Variants in WIZ observed in about 807,000 individuals in gnomAD.
The protein encoded by WIZ is protein Wiz.
In WIZ, 25 loss-of-function variants were observed where a neutral mutation model predicts 140.2. The observed-to-expected ratio is 0.18, with a 90% CI of 0.13 to 0.25. The LOEUF is 0.25. WIZ is among the 10% of genes least tolerant of loss of function. The pLI is 1.00. For synonymous variants in WIZ, 1,125 were observed against 1,154.3 expected (o/e 0.97, Z 0.51); for missense variants, 2,231 against 2,632.6 (o/e 0.85, Z 3.34).
Position 15,448,250 on chromosome 19 carries a change from T to G in WIZ, c.58A>C (p.Arg20=). 1.2e-6 allele frequency: 2 copies of G among 1,613,260 alleles called. No homozygotes were observed. Among genetic ancestry groups the G allele is most frequent in the Middle Eastern group, 1.7e-4 (1 of 6,058 alleles). Residue 20 remains arginine (R), a synonymous_variant, in exon 2 of 13, where the codon AGA becomes CGA. Transcript: ENST00000673675. ...TCCCTTGGCGCCGGGCCAGGCAGTC[T>G]CTCTGGGCCTTGGGGACGATCTGGT... ...AAPDRPQGPE[R]LPGPAPRENI...
intron 5 of WIZ, chr19:15,432,570 C>G: frequency 5.7e-6 from 3 of 527,070 alleles, no homozygotes; most frequent in Non-Finnish European, 7.2e-6. Context: ...CGGGGGGTGC[C>G]GCGGGGCCCG....
Position 15,439,965 on chromosome 19 carries a change from C to T in WIZ, c.1029G>A (p.Gln343=). 6.5e-7 allele frequency: 1 copy of T among 1,535,682 alleles called. No individual in the cohort carries two copies. The highest frequency in any genetic ancestry group is 8.7e-7 in the Non-Finnish European group (1 of 1,146,682). Residue 343 remains glutamine (Q), a synonymous_variant, in exon 4 of 13, where the codon CAG becomes CAA. Transcript: ENST00000673675. The surrounding 1 kb of genome is among the most constrained non-coding windows in gnomAD (Gnocchi z 7.0). ...HMSQHRRAPG[Q]EPPADLAPLA... is the part of the protein sequence containing the mutation. The stretch of plus-strand genomic sequence containing the variant: ...GCGGGGCCAGGTCCGCAGGGGGCTC[C>T]TGGCCCGGGGCTCGGCGGTGCTGGC...
At chr19:15,429,481 A>ACCCCCC in intron 7 of WIZ, 105 bp downstream of exon 7, 2 of 774,590 alleles carry the variant, frequency 2.6e-6, no homozygotes, top group Admixed American at 3.9e-5. Context: ...TGTAGTCCCC[A>ACCCCCC]CCGCCCCCAC....
chr19:15,436,937 G>GGCT lies in WIZ; in HGVS notation c.2606_2608dup (p.Gln869dup). ...AGGCTCTCGGCCCAGGGGGCTGGGG[G>GGCT]GCTGCTCAGCAGCAGAGGTGGCCAG... is the stretch of plus-strand genomic sequence containing the variant. On this transcript the variant is annotated inframe_insertion, in exon 5 of 13. Coordinates refer to ENST00000673675, the MANE Select transcript of WIZ (RefSeq NM_001371589.1). The GGCT allele has an allele frequency of 6.2e-7, 1 of 1,613,540 alleles. No individual in the cohort carries two copies. Among genetic ancestry groups the GGCT allele is most frequent in the Non-Finnish European group, 8.5e-7 (1 of 1,179,732 alleles).
intron 12 of WIZ, among the ~76,000 whole-genome samples, chr19:15,423,538 G>A (rs995004092): frequency 6.6e-6 from 1 of 152,182 alleles, no homozygotes; most frequent in Non-Finnish European, 1.5e-5. Context: ...ATCTGAGACA[G>A]TAGAGGGCAC....
chr19:15,441,708 G>T (rs1263286178), intron 3 of WIZ, among the ~76,000 whole-genome samples: 1 of 152,198 alleles, frequency 6.6e-6, no homozygotes, highest in Non-Finnish European at 1.5e-5. Flanking sequence ...GTTGGGTGGA[G>T]ACCATAAGGT....
Position 15,440,094 on chromosome 19 carries a change from C to T in WIZ, c.900G>A (p.Gly300=), listed in dbSNP as rs1969677580. The change falls in exon 4 of 13, where the codon GGG becomes GGA. Residue 300 remains glycine, a synonymous_variant. Transcript: ENST00000673675. This position sits in a 1 kb window ranked among gnomAD's most constrained non-coding sequence, Gnocchi z 6.2. ...CCTCGTCCTCATCTGGGCTGGCCAC[C>T]CCTTCGGCCACCTCCTCCAGCAGCT... is the stretch of plus-strand genomic sequence containing the variant. ...LCELLEEVAE[G]VASPDEDEDE... is the part of the protein sequence containing the mutation. The T allele has an allele frequency of 2.0e-6, 3 of 1,534,558 alleles. No individual in the cohort carries two copies. Among genetic ancestry groups the T allele is most frequent in the Non-Finnish European group, 2.6e-6 (3 of 1,146,108 alleles).
intron 1 of WIZ, 81 bp downstream of exon 1, chr19:15,449,717 G>GCCCGGCCCGGCCCGGGGCCTCC (rs1199225657): frequency 7.1e-6 from 1 of 140,852 alleles, no homozygotes; most frequent in African/African-American, 2.6e-5. Flanking sequence ...GTCCCGCCTG[G>GCCCGGCCCGGCCCGGGGCCTCC]CCCGGCCCGG....
rs192898305 is a variant in WIZ, at chr19:15,439,169, G to C, written c.1825C>G (p.Arg609Gly). 6.5e-7 allele frequency: 1 copy of C among 1,532,714 alleles called. No individual in the cohort carries two copies. Among genetic ancestry groups the C allele is most frequent in the African/African-American group, 1.4e-5 (1 of 72,926 alleles). 94.9% of individuals were successfully genotyped at this position (1,532,714 alleles called of 1,614,324 possible). ...TCCTCTTCGCTCCAAGGGCGCCTCC[G>C]TTCCCCCAGCCCTTGTGGGTGGACG... ...STVHPQGLGERRRPWSEEEEE... is the reference protein window; with the variant it reads ...STVHPQGLGEGRRPWSEEEEE... The change falls in exon 4 of 13, where the codon CGG (arginine) becomes GGG (glycine). Residue 609 changes from arginine to glycine, a missense_variant. Physicochemically the swap from Arg to Gly is moderately radical, Grantham distance 125 (BLOSUM62 -2). This residue lies in a region of WIZ where 475 missense variants were observed against 520.2 expected (regional missense o/e 0.91). Coordinates refer to ENST00000673675, the MANE Select transcript of WIZ (RefSeq NM_001371589.1). The surrounding 1 kb of genome is among the most constrained non-coding windows in gnomAD (Gnocchi z 7.0).
chr19:15,420,465 C>T lies in WIZ; in HGVS notation c.*2611G>A, dbSNP rs1340739984. 6.6e-6 allele frequency: 1 copy of T among 152,218 alleles called. No homozygotes were observed. The highest frequency in any genetic ancestry group is 2.4e-5 in the African/African-American group (1 of 41,448). The allele number at this position is 152,218 out of a possible 1,614,324, so 9.4% of individuals were successfully genotyped here. On this transcript the variant is annotated 3_prime_UTR_variant, in exon 13 of 13. Coordinates refer to ENST00000673675, the MANE Select transcript of WIZ (RefSeq NM_001371589.1). ...CAGGGATGCCTGCCTGTCTTCCAAA[C>T]CAAGGCAGGGCCCCAGGACACGTCT...
intron 2 of WIZ, among the ~76,000 whole-genome samples, chr19:15,445,781 G>A (rs537182483): frequency 2.0e-5 from 3 of 152,258 alleles, no homozygotes; most frequent in East Asian, 1.9e-4. Context: ...GTAAACAGCC[G>A]TAACGGGGGA....
In WIZ at chr19:15,439,356, G is replaced by C; in HGVS notation, c.1638C>G (p.Ser546Arg). ...GCTGGCATCCTGGGCCAAAGGCCAGGCTGGGGTCGTATCCAGCAGGGTTCT... is the reference window on the plus strand; with the variant it reads ...GCTGGCATCCTGGGCCAAAGGCCAGCCTGGGGTCGTATCCAGCAGGGTTCT... Reference protein sequence around the residue: ...WRENPAGYDPSLAFGPGCQQL... With the variant: ...WRENPAGYDPRLAFGPGCQQL... Residue 546 changes from serine (S) to arginine (R), a missense_variant, in exon 4 of 13, where the codon AGC (serine) becomes AGG (arginine). By Grantham distance (110) the Ser-to-Arg change is moderately radical. Coordinates refer to ENST00000673675, the MANE Select transcript of WIZ (RefSeq NM_001371589.1). This position sits in a 1 kb window ranked among gnomAD's most constrained non-coding sequence, Gnocchi z 7.0. The C allele has an allele frequency of 6.5e-7, 1 of 1,535,116 alleles. No individual in the cohort carries two copies.
chr19:15,438,582 T>TTTCTTC lies in WIZ; in HGVS notation c.2406_2411dup (p.Lys804_Lys805dup). ...TTAAAAGTGAAGCTGCCCTACCTTT[T>TTTCTTC]TTCTTCTTCTTCTGGAAGGAGAACC... is the stretch of plus-strand genomic sequence containing the variant. On this transcript the variant is annotated inframe_insertion, in exon 4 of 13. Transcript: ENST00000673675. The TTTCTTC allele has an allele frequency of 6.7e-7, 1 of 1,501,750 alleles. No individual in the cohort carries two copies. The highest frequency in any genetic ancestry group is 8.9e-7 in the Non-Finnish European group (1 of 1,123,086). 93.0% of individuals were successfully genotyped at this position (1,501,750 alleles called of 1,614,324 possible).
rs1226483844 is a variant in WIZ, at chr19:15,428,525, CA to C, written c.3416-18del. On this transcript the variant is annotated intron_variant, in intron 7 of 12. Coordinates refer to ENST00000673675, the MANE Select transcript of WIZ (RefSeq NM_001371589.1). This position sits in a 1 kb window ranked among gnomAD's most constrained non-coding sequence, Gnocchi z 6.4. ...TATCTAAAGCTGCGGAGACAAAACA[CA>C]GGGGGGGTTCACGGCCGCCACCTTG... 11 of 1,535,244 alleles carry C rather than the reference CA, an allele frequency of 7.2e-6. No homozygotes were observed. Among genetic ancestry groups the C allele is most frequent in the South Asian group, 1.2e-5 (1 of 84,056 alleles).
At chr19:15,426,140 T>A (rs953997225) in intron 9 of WIZ, among the ~76,000 whole-genome samples, 4 of 151,878 alleles carry the variant, frequency 2.6e-5, no homozygotes, top group African/African-American at 9.7e-5. Flanking sequence ...CAAGTCACTT[T>A]CCCTCTCTGA....
rs1568296516 is a variant in WIZ at position 15,428,526 on chromosome 19, A to G, written c.3416-18T>C. ...ATCTAAAGCTGCGGAGACAAAACAC[A>G]GGGGGGGTTCACGGCCGCCACCTTG... is the stretch of plus-strand genomic sequence containing the variant. On this transcript the variant is annotated intron_variant, in intron 7 of 12. Transcript: ENST00000673675. The surrounding 1 kb of genome is among the most constrained non-coding windows in gnomAD (Gnocchi z 6.4). The G allele has an allele frequency of 2.0e-6, 3 of 1,514,762 alleles. No homozygotes were observed. The highest frequency in any genetic ancestry group is 4.0e-5 in the Admixed American group (2 of 50,172). 93.8% of individuals were successfully genotyped at this position (1,514,762 alleles called of 1,614,324 possible). A position where few individuals can be genotyped will look rare whatever the true frequency, so the allele number is the denominator to read the frequency against.
In WIZ at chr19:15,424,469, G is replaced by T; in HGVS notation, c.5315-91C>A. 1 of 1,531,102 alleles carries T rather than the reference G, an allele frequency of 6.5e-7. No homozygotes were observed. The highest frequency in any genetic ancestry group is 8.8e-7 in the Non-Finnish European group (1 of 1,132,636). The allele number at this position is 1,531,102 out of a possible 1,614,324, so 94.8% of individuals were successfully genotyped here. A position where few individuals can be genotyped will look rare whatever the true frequency, so the allele number is the denominator to read the frequency against. On this transcript the variant is annotated intron_variant, in intron 11 of 12. Coordinates refer to ENST00000673675, the MANE Select transcript of WIZ (RefSeq NM_001371589.1). The surrounding 1 kb of genome is among the most constrained non-coding windows in gnomAD (Gnocchi z 9.7). ...AAGAGCTGAGGACTGATGCTACCTG[G>T]ATGGGTGGGATGGGGGATGGATGGG...
chr19:15,432,459 G>A, intron 5 of WIZ: 12 of 983,210 alleles, frequency 1.2e-5, no homozygotes, highest in Non-Finnish European at 1.4e-5. Context: ...ACGCGGGCCC[G>A]GGCCCCGGCT....
rs1969206454 is a variant in WIZ at position 15,431,110 on chromosome 19, G to A, written c.2813C>T (p.Pro938Leu). Residue 938 changes from proline to leucine, a missense_variant, in exon 6 of 13, where the codon CCT becomes CTT. Pro to Leu is a moderately conservative substitution (Grantham distance 98, BLOSUM62 -3). Around this residue, in one of 15 missense-constraint regions of WIZ, gnomAD observed 137 missense variants for 135.8 expected, o/e 1.01. Transcript: ENST00000673675. ...GSPSLPKKSL[P>L]VPGALEQVAS... ...CACCTGCTCCAGGGCCCCAGGGACA[G>A]GCAGGCTCTTCTTAGGGAGCGAGGG... is the stretch of plus-strand genomic sequence containing the variant. 1 of 1,535,916 alleles carries A rather than the reference G, an allele frequency of 6.5e-7. No homozygotes were observed. The highest frequency in any genetic ancestry group is 1.2e-5 in the South Asian group (1 of 84,018).
Sources: gnomAD v4.1 joint callset for allele counts (sites outside exome capture counted in the v4.1 genomes callset) on GRCh38, gnomAD v4.1.1 for gene constraint, gnomAD v4.1.1 regional missense constraint, Gnocchi (gnomAD v3.1) non-coding constraint, MANE v1.5 for transcripts, NCBI Gene and HGNC (gene_info 2026-07-23, HGNC 2026-07-21) for gene names.